The following MYOM2 variants were observed in gnomAD, a reference collection of about 807,000 sequenced individuals.
The protein encoded by MYOM2 is myomesin 2.
A neutral mutation model predicts 187.6 loss-of-function variants in MYOM2; 254 were observed. The ratio of observed to expected loss-of-function variants is 1.35; its 90% CI spans 1.22 to 1.50. The LOEUF (loss-of-function observed/expected upper bound fraction) is 1.50, where lower values mean the gene tolerates loss of function less well. Ranked by LOEUF, MYOM2 falls within the 40% of genes most tolerant of loss-of-function variation. The pLI, the probability that MYOM2 is intolerant of heterozygous loss-of-function variation, is 0.00. For synonymous variants in MYOM2, 981 were observed against 753.8 expected (o/e 1.30, Z -4.94); for missense variants, 2,796 against 1,924.0 (o/e 1.45, Z -8.48).
At chr8:2,120,693 T>TATATTTATAATATATAC (rs1797418819) in intron 28 of MYOM2, among the ~76,000 whole-genome samples, 1 of 107,842 alleles carries the variant, frequency 9.3e-6, no homozygotes, top group Admixed American at 1.1e-4. Flanking sequence ...TATATAAATA[T>TATATTTATAATATATAC]ATAATATATA....
At chr8:2,106,684 T>C in intron 23 of MYOM2, 87 bp downstream of exon 23, 1 of 973,136 alleles carries the variant, frequency 1.0e-6, no homozygotes. Flanking sequence ...CTTACTTGCT[T>C]AGAAAAAAGA....
At position 2,078,734 on chromosome 8, in the gene MYOM2, A is replaced by T; in HGVS notation, c.1263A>T (p.Arg421=). The T allele has an allele frequency of 6.2e-7, 1 of 1,614,070 alleles. No homozygotes were observed. The highest frequency in any genetic ancestry group is 1.1e-5 in the South Asian group (1 of 91,078). The change falls in exon 12 of 37, where the codon CGA becomes CGT. Residue 421 remains arginine, a splice_region_variant and synonymous_variant. Coordinates refer to ENST00000262113, the MANE Select transcript of MYOM2 (RefSeq NM_003970.4). ...TTGTTTTTCTTTTTTTAACTTGAAG[A>T]TGTGAAGTAGGAACGAATAATTGGG... is the stretch of plus-strand genomic sequence containing the variant. ...ESPVMGYFVD[R]CEVGTNNWVQ...
chr8:2,137,356 C>T (rs892911252), intron 32 of MYOM2, among the ~76,000 whole-genome samples: 1 of 151,856 alleles, frequency 6.6e-6, no homozygotes, highest in Non-Finnish European at 1.5e-5. Context: ...TGCAAGACAC[C>T]AGGCATGACA....
In MYOM2 at chr8:2,046,734, C is replaced by G. The variant is rs1028293524; in HGVS notation, c.-13+1566C>G. On this transcript the variant is annotated intron_variant, in intron 1 of 36. Transcript: ENST00000262113. ...TGCGAGGAAAAGCTGCTTTCTTTCT[C>G]TCTCTCTTTCTTTTTTCTTTTTTTT... Among the ~76,000 whole-genome samples, 9 of 142,466 alleles carry G rather than the reference C, an allele frequency of 6.3e-5. No individual in the cohort carries two copies. The East Asian group carries it at 1.9e-3, about 30-fold the overall frequency. The allele number at this position is 142,466 out of a possible 152,430, so 93.5% of individuals were successfully genotyped here.
rs150246581 is a variant in MYOM2, at chr8:2,069,487, C to G, written c.783C>G (p.Leu261=). 6 of 1,614,084 alleles carry G rather than the reference C, an allele frequency of 3.7e-6. No homozygotes were observed. The African/African-American group carries it at 4.0e-5, about 11-fold the overall frequency. Residue 261 remains leucine, a synonymous_variant, in exon 8 of 37, where the codon CTC becomes CTG. Transcript: ENST00000262113. ...GDEEPFRSVG[L]PIGLPLSSMI... Reference sequence around the variant, plus strand: ...AGGAACCATTCCGTTCGGTGGGACTCCCGATTGGATGTAAGTGGGTTTTTG... The same window carrying G: ...AGGAACCATTCCGTTCGGTGGGACTGCCGATTGGATGTAAGTGGGTTTTTG...
intron 5 of MYOM2, 149 bp downstream of exon 5, chr8:2,057,929 A>G: frequency 1.3e-6 from 1 of 767,968 alleles, no homozygotes; most frequent in Non-Finnish European, 1.9e-6. Flanking sequence ...AGAAGCTCTG[A>G]ACGTTCACTT....
chr8:2,137,916 C>T (rs79989967), intron 32 of MYOM2, among the ~76,000 whole-genome samples: 7,510 of 152,230 alleles, frequency 0.049, 565 homozygotes, highest in African/African-American at 0.15. Context: ...TCTGCACAGA[C>T]GGGCTTCTTG....
At chr8:2,103,225 T>C (rs1458342860) in intron 21 of MYOM2, among the ~76,000 whole-genome samples, 1 of 150,988 alleles carries the variant, frequency 6.6e-6, no homozygotes, top group African/African-American at 2.4e-5. Flanking sequence ...GCATGTTTTA[T>C]GTGTATATGT....
At chr8:2,117,988 C>T (rs371372294) in intron 28 of MYOM2, 36 bp downstream of exon 28, 9 of 1,587,172 alleles carry the variant, frequency 5.7e-6, no homozygotes, top group Non-Finnish European at 7.8e-6. Flanking sequence ...AACAATAAAT[C>T]TCATTCTGGT....
At chr8:2,119,092 A>G (rs1477451387) in intron 28 of MYOM2, 1 of 152,292 alleles carries the variant, frequency 6.6e-6, no homozygotes, top group African/African-American at 2.4e-5. Context: ...AGATTTAGTT[A>G]TATCCGTGGA....
chr8:2,077,418 G>A (rs1334984030), intron 11 of MYOM2, among the ~76,000 whole-genome samples: 1 of 152,196 alleles, frequency 6.6e-6, no homozygotes, highest in Non-Finnish European at 1.5e-5. Flanking sequence ...AGAAAAATAA[G>A]GTGATTATCT....
chr8:2,092,444 G>A lies in MYOM2; in HGVS notation c.1927G>A (p.Gly643Ser), dbSNP rs200054208. The change falls in exon 16 of 37, where the codon GGC (glycine) becomes AGC (serine). Residue 643 changes from glycine to serine, a missense_variant. Coordinates refer to ENST00000262113, the MANE Select transcript of MYOM2 (RefSeq NM_003970.4). ...ACCTAAGCATGAGGAGGACCTGCTG[G>A]GCTACTACGTGGACTGCTGTGTGGC... ...DRPKHEEDLL[G>S]YYVDCCVAGT... is the part of the protein sequence containing the mutation. 1 of 1,614,160 alleles carries A rather than the reference G, an allele frequency of 6.2e-7. No homozygotes were observed. Among genetic ancestry groups the A allele is most frequent in the East Asian group, 2.2e-5 (1 of 44,874 alleles).
intron 1 of MYOM2, among the ~76,000 whole-genome samples, chr8:2,048,517 G>C (rs1290334033): frequency 6.6e-6 from 1 of 152,220 alleles, no homozygotes; most frequent in South Asian, 2.1e-4. Flanking sequence ...CTTGAACCAT[G>C]ATAACAGCAG....
In MYOM2 at chr8:2,101,472, G is replaced by A. The variant is rs534388017; in HGVS notation, c.2619+418G>A. On this transcript the variant is annotated intron_variant, in intron 20 of 36. Coordinates refer to ENST00000262113, the MANE Select transcript of MYOM2 (RefSeq NM_003970.4). ...GTTGATCTCTGCGCAAGCCAGCACCGAGCCCCGAGGTGAACCTGTTCAGAT... is the reference window on the plus strand; with the variant it reads ...GTTGATCTCTGCGCAAGCCAGCACCAAGCCCCGAGGTGAACCTGTTCAGAT... 2.4e-4 allele frequency among the ~76,000 whole-genome samples: 36 copies of A among 152,268 alleles called. No individual in the cohort carries two copies. In the South Asian group the frequency reaches 6.4e-3, roughly 27 times the overall value.
chr8:2,140,616 T>C, intron 32 of MYOM2, 107 bp from the exon 33 acceptor site: 1 of 1,093,888 alleles, frequency 9.1e-7, no homozygotes, highest in Non-Finnish European at 1.3e-6. Flanking sequence ...GACATTGGCA[T>C]CAGCAGCTTA....
chr8:2,092,560 G>A, intron 16 of MYOM2, 40 bp downstream of exon 16: 1 of 1,603,158 alleles, frequency 6.2e-7, no homozygotes, highest in Non-Finnish European at 8.5e-7. Context: ...AGCCTTGCAG[G>A]AGTAGCAAGA....
Position 2,114,204 on chromosome 8 carries a change from T to G in MYOM2, c.3181-1756T>G, listed in dbSNP as rs187130882. The stretch of plus-strand genomic sequence containing the variant: ...AGCTCAGAACTTTGGGGCATGGCCC[T>G]CAGGGAACTCCAAGGCATGAAATGT... On this transcript the variant is annotated intron_variant, in intron 25 of 36. Transcript: ENST00000262113. Among the ~76,000 whole-genome samples, 4 of 152,358 alleles carry G rather than the reference T, an allele frequency of 2.6e-5. No homozygotes were observed. The East Asian group carries it at 7.7e-4, about 29-fold the overall frequency.
At chr8:2,099,935 A>G (rs1796624395) in intron 19 of MYOM2, among the ~76,000 whole-genome samples, 1 of 152,236 alleles carries the variant, frequency 6.6e-6, no homozygotes, top group Non-Finnish European at 1.5e-5. Context: ...CTTTTGAGTT[A>G]GCAAATCAGC....
intron 25 of MYOM2, among the ~76,000 whole-genome samples, chr8:2,112,966 G>A (rs1797116348): frequency 2.6e-5 from 4 of 152,142 alleles, no homozygotes; most frequent in Admixed American, 2.6e-4. Flanking sequence ...TTTTTGTTTT[G>A]CTCATGTGGC....
Sources: allele counts gnomAD v4.1 joint callset (sites outside exome capture counted in the v4.1 genomes callset), GRCh38; gene constraint gnomAD v4.1.1; transcripts MANE v1.5; gene names NCBI Gene and HGNC (gene_info 2026-07-23, HGNC 2026-07-21).